Variants in PRKG1 observed in about 807,000 individuals in gnomAD.
PRKG1 encodes protein kinase cGMP-dependent 1.
In PRKG1, 35 loss-of-function variants were observed where a neutral mutation model predicts 88.1. The ratio of observed to expected loss-of-function variants is 0.40; its 90% CI spans 0.30 to 0.53. The LOEUF is 0.53. Among genes scored for constraint, PRKG1 ranks in the 20% least tolerant of loss-of-function variants. The pLI, the probability that PRKG1 is intolerant of heterozygous loss-of-function variation, is 0.59. For synonymous variants in PRKG1, 303 were observed against 292.5 expected (o/e 1.04, Z -0.37); for missense variants, 540 against 839.8 (o/e 0.64, Z 4.41).
chr10:51,143,286 A>G (rs1845866179), intron 1 of PRKG1, among the ~76,000 whole-genome samples: 2 of 151,906 alleles, frequency 1.3e-5, no homozygotes, highest in African/African-American at 4.8e-5. Flanking sequence ...TCTAGGTTCA[A>G]CCATGTTGTT....
chr10:51,537,932 A>AGAT (rs1842198928), intron 3 of PRKG1, among the ~76,000 whole-genome samples: 1 of 152,166 alleles, frequency 6.6e-6, no homozygotes, highest in East Asian at 1.9e-4. Flanking sequence ...TCACATCCAA[A>AGAT]GATAAATTAA....
At chr10:52,274,828 T>C (rs1164457275) in intron 12 of PRKG1, among the ~76,000 whole-genome samples, 1 of 152,110 alleles carries the variant, frequency 6.6e-6, no homozygotes, top group African/African-American at 2.4e-5. Flanking sequence ...GTTCACTCCA[T>C]CCACACCAGG....
At chr10:51,382,225 T>C (rs1837125283) in intron 2 of PRKG1, among the ~76,000 whole-genome samples, 1 of 152,178 alleles carries the variant, frequency 6.6e-6, no homozygotes, top group Admixed American at 6.5e-5. Context: ...AAAGATGAAT[T>C]TGTTTATTAA....
chr10:51,339,074 G>T (rs1841945139), intron 2 of PRKG1, among the ~76,000 whole-genome samples: 1 of 152,086 alleles, frequency 6.6e-6, no homozygotes, highest in Non-Finnish European at 1.5e-5. Context: ...CCCATAAGTA[G>T]TCTTAAATTT....
chr10:51,073,484 C>T (rs866321842), upstream of PRKG1, among the ~76,000 whole-genome samples: 5 of 152,170 alleles, frequency 3.3e-5, no homozygotes, highest in Non-Finnish European at 4.4e-5. Flanking sequence ...TTAACCCCCA[C>T]CCTCTCCCCG....
At chr10:51,451,382 G>A (rs574504032) in intron 2 of PRKG1, among the ~76,000 whole-genome samples, 3 of 151,722 alleles carry the variant, frequency 2.0e-5, no homozygotes, top group East Asian at 1.9e-4. Context: ...TAAAAATAAC[G>A]ATGTATATAT....
At position 52,285,850 on chromosome 10, in the gene PRKG1, A is replaced by G. The variant is rs572385952; in HGVS notation, c.1710-2876A>G. Among the ~76,000 whole-genome samples, 8 of 152,204 alleles carry G rather than the reference A, an allele frequency of 5.3e-5. No individual in the cohort carries two copies. In the South Asian group the frequency reaches 1.7e-3, roughly 32 times the overall value. On this transcript the variant is annotated intron_variant, in intron 14 of 17. Transcript: ENST00000373980. The stretch of plus-strand genomic sequence containing the variant: ...AGTAAGAGAAAATAAAATAGTAACA[A>G]TTAAAAATGCAGCAAGGGAGATAGT...
intron 3 of PRKG1, among the ~76,000 whole-genome samples, chr10:51,578,739 T>C (rs1300587328): frequency 1.3e-5 from 2 of 152,164 alleles, no homozygotes; most frequent in Admixed American, 6.6e-5. Context: ...CAATAGAGTC[T>C]GTTAGAAGAC....
intron 4 of PRKG1, among the ~76,000 whole-genome samples, chr10:51,891,175 G>A (rs748319750): frequency 5.9e-5 from 9 of 152,250 alleles, no homozygotes; most frequent in Middle Eastern, 3.4e-3. Context: ...GAAGCAGGAA[G>A]ATCACGTGAG....
intron 2 of PRKG1, among the ~76,000 whole-genome samples, chr10:51,224,083 G>T (rs551927078): frequency 6.6e-6 from 1 of 152,310 alleles, no homozygotes; most frequent in African/African-American, 2.4e-5. Context: ...GGGAAAATAG[G>T]AAAAGAGGCA....
intron 3 of PRKG1, among the ~76,000 whole-genome samples, chr10:51,630,031 TGAGTTA>T (rs1258113331): frequency 6.6e-6 from 1 of 152,202 alleles, no homozygotes; most frequent in East Asian, 1.9e-4. Flanking sequence ...AGTGACAGAT[TGAGTTA>T]GTTGAGCAGG....
chr10:51,576,270 G>A (rs10762230), intron 3 of PRKG1, among the ~76,000 whole-genome samples: 39,467 of 151,750 alleles, frequency 0.26, 7,286 homozygotes, highest in East Asian at 0.87. Flanking sequence ...ACAGTTATGT[G>A]TATGAATATG....
chr10:51,184,629 AT>A (rs1428413453), intron 2 of PRKG1, among the ~76,000 whole-genome samples: 1 of 151,910 alleles, frequency 6.6e-6, no homozygotes, highest in African/African-American at 2.4e-5. Flanking sequence ...TCTTTTTTTC[AT>A]TTTAGGATGA....
At chr10:52,069,492 T>C (rs765645148) in intron 7 of PRKG1, among the ~76,000 whole-genome samples, 1 of 151,494 alleles carries the variant, frequency 6.6e-6, no homozygotes, top group Non-Finnish European at 1.5e-5. Flanking sequence ...ATCACACCAC[T>C]CTCCTCCAGC....
chr10:51,188,127 A>G (rs2132036187), intron 2 of PRKG1, among the ~76,000 whole-genome samples: 1 of 152,140 alleles, frequency 6.6e-6, no homozygotes, highest in Non-Finnish European at 1.5e-5. Context: ...GTGGCACTAT[A>G]CGATGAACAC....
intron 10 of PRKG1, among the ~76,000 whole-genome samples, chr10:52,253,642 C>T (rs1194509): frequency 0.85 from 129,231 of 151,386 alleles, 55,862 homozygotes; most frequent in Non-Finnish European, 0.93. Context: ...TATATATGTA[C>T]ATATAATCTC....
At chr10:51,478,668 G>C (rs1840269862) in intron 3 of PRKG1, among the ~76,000 whole-genome samples, 1 of 151,324 alleles carries the variant, frequency 6.6e-6, no homozygotes, top group African/African-American at 2.4e-5. Flanking sequence ...CAATTTAAGT[G>C]CAATTTGTCT....
At chr10:51,118,517 G>C (rs994638108) in intron 1 of PRKG1, among the ~76,000 whole-genome samples, 1 of 152,066 alleles carries the variant, frequency 6.6e-6, no homozygotes, top group African/African-American at 2.4e-5. Context: ...ATTACAGAAA[G>C]CTTTCGTATA....
chr10:51,944,178 C>T lies in PRKG1; in HGVS notation c.762+36608C>T, dbSNP rs1019811722. ...AGAGTCAACTTCTTCCTGGTTTAGT[C>T]TTGGGAGGGTGTAGGTGTTGAGGAA... On this transcript the variant is annotated intron_variant, in intron 5 of 17. Coordinates refer to ENST00000373980, the MANE Select transcript of PRKG1 (RefSeq NM_006258.4). 2.4e-4 allele frequency among the ~76,000 whole-genome samples: 37 copies of T among 151,994 alleles called. 1 individual carries two copies. The highest frequency in any genetic ancestry group is 8.0e-4 in the African/African-American group (33 of 41,278).
Sources: gnomAD v4.1 joint callset for allele counts (sites outside exome capture counted in the v4.1 genomes callset) on GRCh38, gnomAD v4.1.1 for gene constraint, MANE v1.5 for transcripts, NCBI Gene and HGNC (gene_info 2026-07-23, HGNC 2026-07-21) for gene names.